Variants in CLVS1 observed in about 807,000 individuals in gnomAD.
The protein encoded by CLVS1 is clavesin 1.
In CLVS1, 10 loss-of-function variants were observed where a neutral mutation model predicts 33.1. The observed-to-expected ratio is 0.30, with a 90% CI of 0.19 to 0.51. The LOEUF is 0.51. Among genes scored for constraint, CLVS1 ranks in the 20% least tolerant of loss-of-function variants. The pLI, the probability that CLVS1 is intolerant of heterozygous loss-of-function variation, is 0.97. For synonymous variants in CLVS1, 163 were observed against 166.1 expected (o/e 0.98, Z 0.14); for missense variants, 343 against 433.4 (o/e 0.79, Z 1.85).
intron 3 of CLVS1, among the ~76,000 whole-genome samples, chr8:61,413,149 T>C (rs1464750576): frequency 6.6e-6 from 1 of 152,104 alleles, no homozygotes; most frequent in African/African-American, 2.4e-5. Flanking sequence ...CACTTAGTAC[T>C]GAGAGGGTGG....
At chr8:61,000,739 G>T in the CLVS1 span, among the ~76,000 whole-genome samples, 3 of 152,290 alleles carry the variant, frequency 2.0e-5, no homozygotes, top group African/African-American at 7.2e-5. Flanking sequence ...CAAGCCAGGG[G>T]TCAGGTTTGG....
chr8:61,074,390 ATATATATGT>A lies in CLVS1; in HGVS notation c.-243+17168_-243+17176del, dbSNP rs1460540155. On this transcript the variant is annotated intron_variant, in intron 1 of 2. Transcript: ENST00000522621. ...TATATATATATAAGTATATGTGTAT[ATATATATGT>A]TATATATATATAAGTATATGTGTAT... Among the ~76,000 whole-genome samples the A allele has an allele frequency of 3.6e-4, 28 of 76,746 alleles. 1 individual carries two copies. In the African/African-American group the frequency reaches 5.7e-3, roughly 16 times the overall value. 50.3% of individuals were successfully genotyped at this position (76,746 alleles called of 152,430 possible).
chr8:60,968,941 A>G, the CLVS1 span, among the ~76,000 whole-genome samples: 1 of 151,682 alleles, frequency 6.6e-6, no homozygotes, highest in East Asian at 1.9e-4. Context: ...GAAAACTAGG[A>G]GGCCAGGCAT....
At chr8:61,111,049 A>G (rs1283178279) in intron 1 of CLVS1, among the ~76,000 whole-genome samples, 2 of 152,090 alleles carry the variant, frequency 1.3e-5, no homozygotes, top group African/African-American at 2.4e-5. Flanking sequence ...TTGTGTATAT[A>G]CCCAGAGATT....
chr8:61,443,957 A>T (rs138319316), intron 3 of CLVS1, among the ~76,000 whole-genome samples: 15 of 152,250 alleles, frequency 9.9e-5, no homozygotes, highest in African/African-American at 3.4e-4. Context: ...ATGTTTTGTT[A>T]GATTTACACT....
intron 2 of CLVS1, among the ~76,000 whole-genome samples, chr8:61,178,650 C>T (rs1807166309): frequency 6.6e-6 from 1 of 152,172 alleles, no homozygotes. Flanking sequence ...GCAGATCTGT[C>T]AGCAGAAACC....
intron 2 of CLVS1, among the ~76,000 whole-genome samples, chr8:61,246,440 G>A (rs1487112081): frequency 6.6e-6 from 1 of 151,832 alleles, no homozygotes. Context: ...AAAGTGCTGG[G>A]ATTACAGGTG....
rs140875605 is a variant in CLVS1, at chr8:61,325,171, C to G, written c.455+24889C>G. Among the ~76,000 whole-genome samples, 784 of 152,134 alleles carry G rather than the reference C, an allele frequency of 5.2e-3. 5 individuals are homozygous for G. Among genetic ancestry groups the G allele is most frequent in the Admixed American group, 7.3e-3 (111 of 15,254 alleles). The stretch of plus-strand genomic sequence containing the variant: ...GGTTCTCCCCTCTGAGACATCTTTT[C>G]TTTTCCTTAAGAAATAACCTATGTA... On this transcript the variant is annotated intron_variant, in intron 2 of 5. Transcript: ENST00000325897.
chr8:60,996,331 C>A, the CLVS1 span, among the ~76,000 whole-genome samples: 1 of 152,156 alleles, frequency 6.6e-6, no homozygotes, highest in Non-Finnish European at 1.5e-5. Context: ...TCACAGTTGG[C>A]ATCTTATGAA....
At chr8:60,992,402 T>C in the CLVS1 span, among the ~76,000 whole-genome samples, 1 of 152,170 alleles carries the variant, frequency 6.6e-6, no homozygotes, top group African/African-American at 2.4e-5. Context: ...GCATGATACA[T>C]AGACTTCAGG....
chr8:61,252,667 T>C (rs567438220), intron 2 of CLVS1, among the ~76,000 whole-genome samples: 1 of 152,368 alleles, frequency 6.6e-6, no homozygotes, highest in East Asian at 1.9e-4. Context: ...TTTACCATTA[T>C]GTAATGCCCT....
intron 5 of CLVS1, among the ~76,000 whole-genome samples, chr8:61,475,491 A>G (rs1300541346): frequency 2.0e-5 from 3 of 152,196 alleles, no homozygotes; most frequent in African/African-American, 7.2e-5. Context: ...CGCCATTCTA[A>G]CTGGTGTGAG....
chr8:61,183,211 G>A (rs1181923054), intron 2 of CLVS1, among the ~76,000 whole-genome samples: 1 of 151,946 alleles, frequency 6.6e-6, no homozygotes, highest in Non-Finnish European at 1.5e-5. Context: ...ATGCATGAGG[G>A]GCTTAAAACC....
chr8:61,186,082 A>G (rs1463238425), intron 2 of CLVS1, among the ~76,000 whole-genome samples: 1 of 152,138 alleles, frequency 6.6e-6, no homozygotes, highest in Non-Finnish European at 1.5e-5. Context: ...TCCACTAGAA[A>G]TCTCTGTAAC....
At chr8:61,117,756 C>T (rs1259396010) in intron 1 of CLVS1, among the ~76,000 whole-genome samples, 2 of 152,300 alleles carry the variant, frequency 1.3e-5, no homozygotes, top group South Asian at 2.1e-4. Flanking sequence ...TTTTGATGTG[C>T]TGCTGGATTC....
chr8:61,301,537 A>G (rs1306302630), intron 2 of CLVS1, among the ~76,000 whole-genome samples: 1 of 152,224 alleles, frequency 6.6e-6, no homozygotes, highest in East Asian at 1.9e-4. Flanking sequence ...ATCATAGCTA[A>G]CATTTTGAAT....
At chr8:61,058,892 A>G (rs1208338344) in intron 1 of CLVS1, among the ~76,000 whole-genome samples, 16 of 152,066 alleles carry the variant, frequency 1.1e-4, no homozygotes, top group Non-Finnish European at 1.9e-4. Context: ...CTTTTAATGA[A>G]TGAGTCATAT....
At chr8:61,270,961 AC>A (rs1809424337) in intron 2 of CLVS1, among the ~76,000 whole-genome samples, 1 of 151,012 alleles carries the variant, frequency 6.6e-6, no homozygotes, top group Admixed American at 6.6e-5. Context: ...CTGTCAAAAA[AC>A]CAGCTCCTGG....
chr8:61,181,398 C>T (rs1807225136), intron 2 of CLVS1, among the ~76,000 whole-genome samples: 2 of 152,132 alleles, frequency 1.3e-5, no homozygotes, highest in African/African-American at 4.8e-5. Flanking sequence ...TGAAAATGGC[C>T]ATATTGTCCA....
Sources: gnomAD v4.1 joint callset for allele counts (sites outside exome capture counted in the v4.1 genomes callset) on GRCh38, gnomAD v4.1.1 for gene constraint, MANE v1.5 for transcripts, NCBI Gene and HGNC (gene_info 2026-07-23, HGNC 2026-07-21) for gene names.